Variants in PYROXD1 observed in about 807,000 individuals in gnomAD.
The protein encoded by PYROXD1 is tRNA ligase complex-associated NAD(P)H dehydrogenase PYROXD1.
In PYROXD1, 42 loss-of-function variants were observed where a neutral mutation model predicts 62.0. The ratio of observed to expected loss-of-function variants is 0.68; its 90% CI spans 0.53 to 0.88. PYROXD1 has a LOEUF of 0.88. PYROXD1 is among the 40% of genes least tolerant of loss of function. The pLI is 0.00. For synonymous variants in PYROXD1, 170 were observed against 206.4 expected (o/e 0.82, Z 1.51); for missense variants, 493 against 604.8 (o/e 0.82, Z 1.94).
At chr12:21,451,931 T>C in intron 4 of PYROXD1, 150 bp from the exon 5 acceptor site, 1 of 572,574 alleles carries the variant, frequency 1.7e-6, no homozygotes, top group Non-Finnish European at 3.0e-6. Context: ...TGAGAGGATG[T>C]ACCCTGATAC....
intron 6 of PYROXD1, among the ~76,000 whole-genome samples, chr12:21,455,766 G>A (rs1036953097): frequency 4.6e-5 from 7 of 151,880 alleles, no homozygotes; most frequent in Non-Finnish European, 7.4e-5. Context: ...CATCCAAAAC[G>A]TAAGTTGAGT....
In PYROXD1 at chr12:21,468,720, A is replaced by G; in HGVS notation, c.1469A>G (p.Asp490Gly). 6.2e-7 allele frequency: 1 copy of G among 1,609,388 alleles called. No individual in the cohort carries two copies. The highest frequency in any genetic ancestry group is 1.7e-5 in the Admixed American group (1 of 59,690). Reference protein sequence around the residue: ...NLSSYGEDLLDPNIDIEDYFD With the variant: ...NLSSYGEDLLGPNIDIEDYFD ...TCATCATATGGAGAAGATCTGCTAG[A>G]TCCAAATATTGATATAGAAGATTAT... is the stretch of plus-strand genomic sequence containing the variant. Residue 490 changes from aspartate (D) to glycine (G), a missense_variant, in exon 12 of 12, where the codon GAT becomes GGT. By Grantham distance (94) the Asp-to-Gly change is moderately conservative (BLOSUM62 -1). Transcript: ENST00000240651.
chr12:21,440,187 A>G (rs1157159827), intron 1 of PYROXD1, among the ~76,000 whole-genome samples, 181 bp from the exon 2 acceptor site: 2 of 152,188 alleles, frequency 1.3e-5, no homozygotes, highest in Non-Finnish European at 2.9e-5. Flanking sequence ...AGAGTTTAAT[A>G]TTATTCACCA....
At chr12:21,455,543 C>A (rs1489474365) in intron 6 of PYROXD1, among the ~76,000 whole-genome samples, 2 of 151,050 alleles carry the variant, frequency 1.3e-5, no homozygotes, top group East Asian at 1.9e-4. Flanking sequence ...CAAACAGATA[C>A]TACATTTTGG....
chr12:21,446,766 T>C (rs779195116), intron 3 of PYROXD1, among the ~76,000 whole-genome samples: 11 of 151,940 alleles, frequency 7.2e-5, no homozygotes, highest in Non-Finnish European at 1.6e-4. Flanking sequence ...ATACAAAAAG[T>C]TAATCAGGCA....
Position 21,462,877 on chromosome 12 carries a change from A to G in PYROXD1, c.1116+15A>G, listed in dbSNP as rs770717427. 5 of 1,607,558 alleles carry G rather than the reference A, an allele frequency of 3.1e-6. No homozygotes were observed. Among genetic ancestry groups the G allele is most frequent in the Non-Finnish European group, 3.4e-6 (4 of 1,178,238 alleles). Reference sequence around the variant, plus strand: ...TCTGGCAGCAGGTAAGCTAGCATATATAATTATATGTTTTCATCAGAGATT... The same window carrying G: ...TCTGGCAGCAGGTAAGCTAGCATATGTAATTATATGTTTTCATCAGAGATT... On this transcript the variant is annotated intron_variant, in intron 10 of 11. Transcript: ENST00000240651.
chr12:21,470,275 G>GAAGT lies in PYROXD1; in HGVS notation c.*1522_*1525dup, dbSNP rs1942905523. The stretch of plus-strand genomic sequence containing the variant: ...GAAGCATGTTTGCAGCCTTCTTCTG[G>GAAGT]AAGTTGCCTGAATTTTTTTCCTCCA... On this transcript the variant is annotated 3_prime_UTR_variant, in exon 12 of 12. Transcript: ENST00000240651. The GAAGT allele has an allele frequency of 6.2e-7, 1 of 1,605,320 alleles. No individual in the cohort carries two copies. The highest frequency in any genetic ancestry group is 1.4e-5 in the African/African-American group (1 of 73,364).
chr12:21,449,881 G>A lies in PYROXD1; in HGVS notation c.414+190G>A, dbSNP rs71537702. Among the ~76,000 whole-genome samples, 9,448 of 146,372 alleles carry A rather than the reference G, an allele frequency of 0.065. 434 individuals carry two copies. The highest frequency in any genetic ancestry group is 0.13 in the African/African-American group (5,018 of 39,794). On this transcript the variant is annotated intron_variant, in intron 4 of 11. Coordinates refer to ENST00000240651, the MANE Select transcript of PYROXD1 (RefSeq NM_024854.5). ...TTCTTTTTTTTTTTTTTTTTGAAAC[G>A]GAGTCTCGCTCTGTTGCCCAGGCTG...
In PYROXD1 at chr12:21,470,244, A is replaced by G; in HGVS notation, c.*1490A>G. 6.2e-7 allele frequency: 1 copy of G among 1,610,188 alleles called. No homozygotes were observed. The highest frequency in any genetic ancestry group is 8.5e-7 in the Non-Finnish European group (1 of 1,178,448). ...TTAGCTCCTGTATTCTTAGAACCAGATTGCTGAAGCATGTTTGCAGCCTTC... is the reference window on the plus strand; with the variant it reads ...TTAGCTCCTGTATTCTTAGAACCAGGTTGCTGAAGCATGTTTGCAGCCTTC... On this transcript the variant is annotated 3_prime_UTR_variant, in exon 12 of 12. Transcript: ENST00000240651.
rs772777612 is a variant in PYROXD1, at chr12:21,437,694, G to C, written c.-37G>C. On this transcript the variant is annotated 5_prime_UTR_variant, in exon 1 of 12. Transcript: ENST00000240651. ...CTGGAGTCCAGAGTCCCGTTGCTCC[G>C]CCGCGATATTCAGTAAACCACTGGG... The C allele has an allele frequency of 1.3e-6, 2 of 1,587,950 alleles. No homozygotes were observed. Among genetic ancestry groups the C allele is most frequent in the Non-Finnish European group, 8.6e-7 (1 of 1,167,028 alleles).
intron 1 of PYROXD1, chr12:21,438,129 CT>C: frequency 3.2e-6 from 1 of 316,900 alleles, no homozygotes; most frequent in Non-Finnish European, 5.8e-6. Context: ...ATTCAGCCCC[CT>C]TTCTTTTTAT....
At chr12:21,445,566 G>T in intron 3 of PYROXD1, 100 bp downstream of exon 3, 1 of 1,183,588 alleles carries the variant, frequency 8.4e-7, no homozygotes, top group Non-Finnish European at 1.1e-6. Flanking sequence ...CACCATTTAA[G>T]TTTTTAACAT....
At chr12:21,460,553 A>G (rs1942678047) in intron 7 of PYROXD1, among the ~76,000 whole-genome samples, 1 of 151,736 alleles carries the variant, frequency 6.6e-6, no homozygotes, top group Non-Finnish European at 1.5e-5. Context: ...CCTCCCGAGT[A>G]GCTGGGACTA....
intron 3 of PYROXD1, among the ~76,000 whole-genome samples, chr12:21,446,096 G>A (rs1020569143): frequency 9.2e-5 from 14 of 152,204 alleles, no homozygotes; most frequent in Non-Finnish European, 1.9e-4. Flanking sequence ...ATAAGTAAGT[G>A]AGAACCTGAA....
At chr12:21,449,444 G>A in intron 3 of PYROXD1, 119 bp from the exon 4 acceptor site, 1 of 840,308 alleles carries the variant, frequency 1.2e-6, no homozygotes, top group Non-Finnish European at 1.8e-6. Context: ...GTGCCACCAA[G>A]AGGCAACCTT....
At chr12:21,440,535 CT>C in intron 2 of PYROXD1, 87 bp downstream of exon 2, 1 of 751,934 alleles carries the variant, frequency 1.3e-6, no homozygotes, top group Non-Finnish European at 2.2e-6. Context: ...GTATTTTTTT[CT>C]TTCTTAAAAA....
At position 21,470,443 on chromosome 12, in the gene PYROXD1, A is replaced by G; in HGVS notation, c.*1689A>G. On this transcript the variant is annotated 3_prime_UTR_variant, in exon 12 of 12. Transcript: ENST00000240651. ...AAATATTTCAAAATATTCTTTCTGT[A>G]TCAGTTGGCTTTTTAAGTATACAGG... The G allele has an allele frequency of 7.5e-7, 1 of 1,328,160 alleles. No homozygotes were observed. Among genetic ancestry groups the G allele is most frequent in the Admixed American group, 3.1e-5 (1 of 32,056 alleles). 82.3% of individuals were successfully genotyped at this position (1,328,160 alleles called of 1,614,324 possible).
intron 8 of PYROXD1, 115 bp from the exon 9 acceptor site, chr12:21,461,893 A>G (rs1942703385): frequency 3.6e-6 from 2 of 554,626 alleles, no homozygotes; most frequent in Non-Finnish European, 6.3e-6. Context: ...TTACAAAGTT[A>G]TCTCTTGCCT....
chr12:21,458,699 G>A (rs1942643105), intron 7 of PYROXD1, among the ~76,000 whole-genome samples: 1 of 152,120 alleles, frequency 6.6e-6, no homozygotes, highest in African/African-American at 2.4e-5. Context: ...CCAAGGAGAG[G>A]GAGAGACATA....
Sources: allele counts gnomAD v4.1 joint callset (sites outside exome capture counted in the v4.1 genomes callset), GRCh38; gene constraint gnomAD v4.1.1; transcripts MANE v1.5; gene names NCBI Gene and HGNC (gene_info 2026-07-23, HGNC 2026-07-21).